RNF8: variants seen among roughly 807,000 people sequenced by gnomAD.
RNF8 encodes E3 ubiquitin-protein ligase RNF8.
RNF8 carries 8 observed loss-of-function variants against 59.3 expected under a neutral mutation model. The ratio of observed to expected loss-of-function variants is 0.13; its 90% CI spans 0.08 to 0.24. The LOEUF (loss-of-function observed/expected upper bound fraction) is 0.24. Ranked by LOEUF, RNF8 falls within the 10% of genes least tolerant of loss-of-function variation. RNF8 has a pLI of 1.00. For missense variants in RNF8, 406 were observed against 572.6 expected (o/e 0.71, Z 2.97); for synonymous variants, 162 against 200.0 (o/e 0.81, Z 1.60).
intron 7 of RNF8, among the ~76,000 whole-genome samples, chr6:37,390,473 C>T (rs146649337): frequency 1.3e-5 from 2 of 152,046 alleles, no homozygotes; most frequent in Non-Finnish European, 2.9e-5. Context: ...GTGGAGTGAG[C>T]GCTGGGGAGT....
rs1190644184 is a variant in RNF8 at position 37,356,821 on chromosome 6, C to T, written c.111+2546C>T. 2.0e-5 allele frequency among the ~76,000 whole-genome samples: 3 copies of T among 152,250 alleles called. No homozygotes were observed. The East Asian group carries it at 5.8e-4, about 29-fold the overall frequency. On this transcript the variant is annotated intron_variant, in intron 1 of 7. Transcript: ENST00000373479. ...CTGGAGTGCAGTGGTGTGATCACAC[C>T]TTCACCTCCCTGGTTCAAGTGGTTC...
At chr6:37,358,703 TA>T (rs1769206571) in intron 1 of RNF8, among the ~76,000 whole-genome samples, 1 of 152,094 alleles carries the variant, frequency 6.6e-6, no homozygotes, top group Non-Finnish European at 1.5e-5. Flanking sequence ...TGAAAGATTT[TA>T]AAGAGAAGAG....
At chr6:37,365,963 A>T (rs1769535322) in intron 2 of RNF8, among the ~76,000 whole-genome samples, 1 of 152,202 alleles carries the variant, frequency 6.6e-6, no homozygotes, top group South Asian at 2.1e-4. Context: ...GAAGTAATGA[A>T]TGGGTAAATG....
At position 37,368,866 on chromosome 6, in the gene RNF8, C is replaced by T; in HGVS notation, c.623C>T (p.Thr208Ile). 1 of 1,614,134 alleles carries T rather than the reference C, an allele frequency of 6.2e-7. No individual in the cohort carries two copies. Among genetic ancestry groups the T allele is most frequent in the South Asian group, 1.1e-5 (1 of 91,080 alleles). The change falls in exon 3 of 8, where the codon ACT (threonine) becomes ATT (isoleucine). Residue 208 changes from threonine to isoleucine, a missense_variant. By Grantham distance (89) the Thr-to-Ile change is moderately conservative. Transcript: ENST00000373479. ...TPSDNLDPKLTALEPSKTTGA... is the reference protein window; with the variant it reads ...TPSDNLDPKLIALEPSKTTGA... Reference sequence around the variant, plus strand: ...TCTGACAATTTGGATCCTAAGTTGACTGCCCTTGAGCCAAGTAAGACCACA... The same window carrying T: ...TCTGACAATTTGGATCCTAAGTTGATTGCCCTTGAGCCAAGTAAGACCACA...
At chr6:37,390,545 G>A (rs1325417826) in intron 7 of RNF8, among the ~76,000 whole-genome samples, 197 bp from the exon 8 acceptor site, 1 of 152,126 alleles carries the variant, frequency 6.6e-6, no homozygotes, top group African/African-American at 2.4e-5. Flanking sequence ...CCTTTGAAAG[G>A]ACTTTGACTT....
chr6:37,367,683 T>C (rs58090295), intron 2 of RNF8, among the ~76,000 whole-genome samples: 2,855 of 152,312 alleles, frequency 0.019, 90 homozygotes, highest in African/African-American at 0.064. Flanking sequence ...AGATTACAGA[T>C]GTAAGCTGCC....
intron 1 of RNF8, among the ~76,000 whole-genome samples, chr6:37,355,854 C>CACCTGAATAATA (rs1215684835): frequency 6.6e-6 from 1 of 152,168 alleles, no homozygotes; most frequent in Non-Finnish European, 1.5e-5. Context: ...AAAACACGAA[C>CACCTGAATAATA]ACCTGAATAA....
At chr6:37,370,245 A>C (rs1168420932) in intron 3 of RNF8, 1 of 152,238 alleles carries the variant, frequency 6.6e-6, no homozygotes, top group East Asian at 1.9e-4. Flanking sequence ...TGACAGTATT[A>C]GCAAAGGCCA....
chr6:37,380,384 AC>A (rs1197661821), intron 6 of RNF8, among the ~76,000 whole-genome samples: 9 of 151,758 alleles, frequency 5.9e-5, no homozygotes. Flanking sequence ...AAATTTCCCA[AC>A]CCAGGCCGGG....
At chr6:37,384,039 C>T (rs183655622) in intron 7 of RNF8, among the ~76,000 whole-genome samples, 1 of 151,918 alleles carries the variant, frequency 6.6e-6, no homozygotes, top group African/African-American at 2.4e-5. Context: ...AAAAAACAAG[C>T]AATGTAGAAA....
chr6:37,376,499 A>G (rs1015926221), intron 5 of RNF8, among the ~76,000 whole-genome samples: 2 of 152,122 alleles, frequency 1.3e-5, no homozygotes, highest in East Asian at 1.9e-4. Flanking sequence ...TGATTCGTAG[A>G]TGGAGTCTTG....
intron 6 of RNF8, among the ~76,000 whole-genome samples, chr6:37,377,592 G>A (rs1770076055): frequency 6.6e-6 from 1 of 151,874 alleles, no homozygotes; most frequent in African/African-American, 2.4e-5. Flanking sequence ...TGTTTATTTG[G>A]TATGATTAAC....
chr6:37,364,923 C>T (rs1376584558), intron 2 of RNF8, among the ~76,000 whole-genome samples: 1 of 152,154 alleles, frequency 6.6e-6, no homozygotes, highest in Non-Finnish European at 1.5e-5. Context: ...GCATGCGGCA[C>T]CACGCCTGGC....
Position 37,368,950 on chromosome 6 carries a change from C to G in RNF8, c.707C>G (p.Ala236Gly). ...KVTEVHHEQK[A>G]SNSSASQRSL... The stretch of plus-strand genomic sequence containing the variant: ...ACAGAGGTTCATCATGAGCAGAAAG[C>G]CTCAAACTCTTCAGCATCTCAGAGA... The change falls in exon 3 of 8, where the codon GCC becomes GGC. Residue 236 changes from alanine to glycine, a missense_variant. Physicochemically the swap from Ala to Gly is moderately conservative, Grantham distance 60 (BLOSUM62 0). Transcript: ENST00000373479. 6.2e-7 allele frequency: 1 copy of G among 1,614,188 alleles called. No individual in the cohort carries two copies. The highest frequency in any genetic ancestry group is 1.1e-5 in the South Asian group (1 of 91,084).
chr6:37,385,084 G>T (rs1049201599), intron 7 of RNF8, among the ~76,000 whole-genome samples: 4 of 151,804 alleles, frequency 2.6e-5, no homozygotes, highest in African/African-American at 9.7e-5. Context: ...CGCGATCTCG[G>T]CTTACCACAA....
intron 2 of RNF8, chr6:37,361,466 T>C: frequency 2.4e-6 from 1 of 410,798 alleles, no homozygotes. Flanking sequence ...GTGGCTGACA[T>C]AGTGAAGCCC....
At chr6:37,357,050 T>C (rs1377360760) in intron 1 of RNF8, among the ~76,000 whole-genome samples, 1 of 152,170 alleles carries the variant, frequency 6.6e-6, no homozygotes, top group Non-Finnish European at 1.5e-5. Context: ...GATTTACTTG[T>C]TATTTGAGAA....
chr6:37,354,560 G>A (rs1403651536), intron 1 of RNF8, among the ~76,000 whole-genome samples: 1 of 152,156 alleles, frequency 6.6e-6, no homozygotes, highest in African/African-American at 2.4e-5. Context: ...GGAGCCCGGG[G>A]GGGCCACAAG....
At chr6:37,376,571 A>T (rs1043165772) in intron 5 of RNF8, among the ~76,000 whole-genome samples, 1 of 152,032 alleles carries the variant, frequency 6.6e-6, no homozygotes, top group Non-Finnish European at 1.5e-5. Flanking sequence ...CTTTAAGGCC[A>T]CTAACCCCAT....
Sources: allele counts gnomAD v4.1 joint callset (sites outside exome capture counted in the v4.1 genomes callset), GRCh38; gene constraint gnomAD v4.1.1; transcripts MANE v1.5; gene names NCBI Gene and HGNC (gene_info 2026-07-23, HGNC 2026-07-21).